Variants in PRKN observed in about 807,000 individuals in gnomAD.
PRKN encodes the protein E3 ubiquitin-protein ligase parkin.
PRKN carries 56 observed loss-of-function variants against 59.5 expected under a neutral mutation model. That is an observed-to-expected ratio of 0.94 (90% CI 0.76 to 1.18). The LOEUF (loss-of-function observed/expected upper bound fraction) is 1.18, where lower values mean the gene tolerates loss of function less well. PRKN is among the 50% of genes most tolerant of loss of function. The pLI is 0.00. For synonymous variants in PRKN, 250 were observed against 222.1 expected (o/e 1.13, Z -1.12); for missense variants, 657 against 596.4 (o/e 1.10, Z -1.06).
rs1464526938 is a variant in PRKN, at chr6:161,384,856, T to C, written c.1167+1938A>G. ...CTTTGGTTTAGCATATTACTGTAAT[T>C]ACGATATTCATTTTCCAGTAAATCT... On this transcript the variant is annotated intron_variant, in intron 10 of 11. Transcript: ENST00000366898. 2.6e-5 allele frequency among the ~76,000 whole-genome samples: 4 copies of C among 152,234 alleles called. No individual in the cohort carries two copies. In the East Asian group the frequency reaches 7.7e-4, roughly 29 times the overall value.
At position 161,576,590 on chromosome 6, in the gene PRKN, C is replaced by T. The variant is rs186632083; in HGVS notation, c.872-7174G>A. Among the ~76,000 whole-genome samples, 44 of 152,262 alleles carry T rather than the reference C, an allele frequency of 2.9e-4. No individual in the cohort carries two copies. The highest frequency in any genetic ancestry group is 5.0e-4 in the Non-Finnish European group (34 of 68,022). On this transcript the variant is annotated intron_variant, in intron 7 of 11. Coordinates refer to ENST00000366898, the MANE Select transcript of PRKN (RefSeq NM_004562.3). This position sits in a 1 kb window ranked among gnomAD's most constrained non-coding sequence, Gnocchi z 4.6. ...ACTATTACGACACTTGGGTCGCAGC[C>T]GTGAAAAATTAAAACAGACAAAAAT... is the stretch of plus-strand genomic sequence containing the variant.
intron 7 of PRKN, among the ~76,000 whole-genome samples, chr6:161,735,316 G>T (rs751901434): frequency 1.1e-4 from 16 of 152,050 alleles, no homozygotes; most frequent in Non-Finnish European, 2.1e-4. Flanking sequence ...ACATAAAGAC[G>T]ATAAGGATGA....
intron 6 of PRKN, among the ~76,000 whole-genome samples, chr6:161,972,074 G>C (rs1331327012): frequency 6.6e-6 from 1 of 152,082 alleles, no homozygotes; most frequent in East Asian, 1.9e-4. Context: ...AGGAGTTCGA[G>C]ACCAGCCTGA....
At chr6:162,437,327 C>T (rs2128165352) in intron 2 of PRKN, among the ~76,000 whole-genome samples, 1 of 152,220 alleles carries the variant, frequency 6.6e-6, no homozygotes, top group South Asian at 2.1e-4. Context: ...TTCAATTCCT[C>T]TGTGAAAGTG....
intron 6 of PRKN, among the ~76,000 whole-genome samples, chr6:161,843,254 A>G (rs1793064542): frequency 1.3e-5 from 2 of 152,110 alleles, no homozygotes; most frequent in Admixed American, 1.3e-4. Flanking sequence ...GCCCCTCATG[A>G]GTCTCCCAGA....
chr6:162,483,845 T>C (rs1792416726), intron 1 of PRKN, among the ~76,000 whole-genome samples: 1 of 152,228 alleles, frequency 6.6e-6, no homozygotes. Flanking sequence ...CAAGATTGCT[T>C]ATAACAGCTA....
chr6:162,484,517 T>C (rs1792454132), intron 1 of PRKN, among the ~76,000 whole-genome samples: 1 of 152,164 alleles, frequency 6.6e-6, no homozygotes, highest in African/African-American at 2.4e-5. Flanking sequence ...TCTGTTGAGA[T>C]GGGTATGACT....
At chr6:162,113,832 G>T (rs566326552) in intron 4 of PRKN, among the ~76,000 whole-genome samples, 1 of 152,076 alleles carries the variant, frequency 6.6e-6, no homozygotes, top group Non-Finnish European at 1.5e-5. Context: ...TTCTTCTAGG[G>T]TTTTTATGGT....
chr6:162,317,186 C>G (rs541284327), intron 2 of PRKN, among the ~76,000 whole-genome samples: 1 of 152,194 alleles, frequency 6.6e-6, no homozygotes, highest in East Asian at 2.0e-4. Flanking sequence ...GCTGTGTCCC[C>G]ATCCAAATCT....
At chr6:161,607,279 GT>G (rs1023351879) in intron 7 of PRKN, among the ~76,000 whole-genome samples, 5 of 152,012 alleles carry the variant, frequency 3.3e-5, no homozygotes, top group Non-Finnish European at 7.4e-5. Flanking sequence ...TTTCCAATCA[GT>G]TTTTTTAAAA....
chr6:162,002,639 A>AT (rs1304655651), intron 5 of PRKN, among the ~76,000 whole-genome samples: 1 of 149,330 alleles, frequency 6.7e-6, no homozygotes, highest in South Asian at 2.1e-4. Flanking sequence ...AATTTCATTG[A>AT]TTTTTTGCTC....
chr6:161,428,564 T>C lies in PRKN; in HGVS notation c.1084-41687A>G, dbSNP rs1788499522. Among the ~76,000 whole-genome samples, 1 of 152,226 alleles carries C rather than the reference T, an allele frequency of 6.6e-6. No homozygotes were observed. Among genetic ancestry groups the C allele is most frequent in the Non-Finnish European group, 1.5e-5 (1 of 68,048 alleles). Reference sequence around the variant, plus strand: ...TCTTGCATCTCTAAGTGTGTGGCATTGTGGCTGCCTTTGATTGTTTGGCGG... The same window carrying C: ...TCTTGCATCTCTAAGTGTGTGGCATCGTGGCTGCCTTTGATTGTTTGGCGG... On this transcript the variant is annotated intron_variant, in intron 9 of 11. Transcript: ENST00000366898. This position sits in a 1 kb window ranked among gnomAD's most constrained non-coding sequence, Gnocchi z 4.0.
chr6:162,601,904 A>G (rs894737137), intron 1 of PRKN, among the ~76,000 whole-genome samples: 1 of 152,208 alleles, frequency 6.6e-6, no homozygotes, highest in African/African-American at 2.4e-5. Context: ...TTGACAAGGC[A>G]GTGTTCCAAT....
At position 162,261,594 on chromosome 6, in the gene PRKN, T is replaced by C. The variant is rs1243636196; in HGVS notation, c.412+931A>G. Reference sequence around the variant, plus strand: ...ATCTCATTTTTCCCCATTTTTGACATTTATTTCCATTTCTCAATTTTTCTT... The same window carrying C: ...ATCTCATTTTTCCCCATTTTTGACACTTATTTCCATTTCTCAATTTTTCTT... On this transcript the variant is annotated intron_variant, in intron 3 of 11. Coordinates refer to ENST00000366898, the MANE Select transcript of PRKN (RefSeq NM_004562.3). 2.6e-5 allele frequency among the ~76,000 whole-genome samples: 4 copies of C among 152,098 alleles called. No homozygotes were observed. In the East Asian group the frequency reaches 7.7e-4, roughly 29 times the overall value.
intron 2 of PRKN, among the ~76,000 whole-genome samples, chr6:162,352,918 G>A (rs1466851549): frequency 6.6e-6 from 1 of 151,974 alleles, no homozygotes; most frequent in Non-Finnish European, 1.5e-5. Context: ...GAATAGATGG[G>A]GACTGAATGC....
At chr6:162,421,512 A>G (rs912368037) in intron 2 of PRKN, among the ~76,000 whole-genome samples, 2 of 152,172 alleles carry the variant, frequency 1.3e-5, no homozygotes, top group Non-Finnish European at 2.9e-5. Context: ...ATGTACTCTT[A>G]GTTCAATTTT....
At position 162,262,781 on chromosome 6, in the gene PRKN, G is replaced by GAAAAAAA; in HGVS notation, c.172-17_172-16insTTTTTTT. ...GGTCACAATTCTGTTTGGGAGCAAG[G>GAAAAAAA]TAAAAAAAAAAAAAAAAAAAAAGGA... On this transcript the variant is annotated splice_polypyrimidine_tract_variant and intron_variant, in intron 2 of 11. Coordinates refer to ENST00000366898, the MANE Select transcript of PRKN (RefSeq NM_004562.3). 1 of 1,326,276 alleles carries GAAAAAAA rather than the reference G, an allele frequency of 7.5e-7. No individual in the cohort carries two copies. The highest frequency in any genetic ancestry group is 2.6e-5 in the East Asian group (1 of 38,346). The allele number at this position is 1,326,276 out of a possible 1,614,324, so 82.2% of individuals were successfully genotyped here. A position where few individuals can be genotyped will look rare whatever the true frequency, so the allele number is the denominator to read the frequency against.
In PRKN at chr6:162,363,468, A is replaced by C. The variant is rs144091273; in HGVS notation, c.171+79842T>G. Among the ~76,000 whole-genome samples the C allele has an allele frequency of 6.6e-5, 10 of 152,284 alleles. 1 individual carries two copies. In the East Asian group the frequency reaches 1.9e-3, roughly 29 times the overall value. On this transcript the variant is annotated intron_variant, in intron 2 of 11. Coordinates refer to ENST00000366898, the MANE Select transcript of PRKN (RefSeq NM_004562.3). Reference sequence around the variant, plus strand: ...AGTAGCTAATAAATATGTCTATTTGAAAACTATTTATTCTTCCATACTTAA... The same window carrying C: ...AGTAGCTAATAAATATGTCTATTTGCAAACTATTTATTCTTCCATACTTAA...
intron 7 of PRKN, among the ~76,000 whole-genome samples, chr6:161,783,483 C>T (rs1244528208): frequency 6.6e-6 from 1 of 152,168 alleles, no homozygotes; most frequent in Non-Finnish European, 1.5e-5. Context: ...CAAATCCTGA[C>T]TAATGGGTGC....
Sources: gnomAD v4.1 joint callset for allele counts (sites outside exome capture counted in the v4.1 genomes callset) on GRCh38, gnomAD v4.1.1 for gene constraint, Gnocchi (gnomAD v3.1) non-coding constraint, MANE v1.5 for transcripts, NCBI Gene and HGNC (gene_info 2026-07-23, HGNC 2026-07-21) for gene names.